The following GSG1L variants were observed in gnomAD, a reference collection of about 807,000 sequenced individuals.
The protein encoded by GSG1L is GSG1 like.
Under a neutral mutation model 42.1 loss-of-function variants are expected in GSG1L, and 24 were observed. The ratio of observed to expected loss-of-function variants is 0.57; its 90% confidence interval spans 0.41 to 0.80. The LOEUF (loss-of-function observed/expected upper bound fraction) is 0.80, where lower values mean the gene tolerates loss of function less well. GSG1L is among the 30% of genes least tolerant of loss of function. The pLI, the probability that GSG1L is intolerant of heterozygous loss-of-function variation, is 0.00. For synonymous variants in GSG1L, 215 were observed against 203.5 expected (o/e 1.06, Z -0.48); for missense variants, 445 against 472.2 (o/e 0.94, Z 0.53).
chr16:27,939,721 C>T (rs750070201), intron 2 of GSG1L, among the ~76,000 whole-genome samples: 1 of 152,218 alleles, frequency 6.6e-6, no homozygotes, highest in African/African-American at 2.4e-5. Flanking sequence ...TACGAAAGTT[C>T]CCCTGGCCTG....
At chr16:27,959,643 C>T (rs1027721527) in intron 2 of GSG1L, among the ~76,000 whole-genome samples, 1 of 151,884 alleles carries the variant, frequency 6.6e-6, no homozygotes, top group Non-Finnish European at 1.5e-5. Context: ...AAGCGTGGGG[C>T]ATGGTAGTGC....
intron 2 of GSG1L, among the ~76,000 whole-genome samples, chr16:27,906,705 C>A (rs142581444): frequency 6.6e-6 from 1 of 152,196 alleles, no homozygotes; most frequent in African/African-American, 2.4e-5. Flanking sequence ...CCTACCCAAC[C>A]TTCTCTCCCC....
chr16:28,063,495 C>G lies in GSG1L; in HGVS notation c.-71G>C, dbSNP rs1255450123. On this transcript the variant is annotated 5_prime_UTR_variant, in exon 1 of 7. Transcript: ENST00000447459. The surrounding 1 kb of genome is among the most constrained non-coding windows in gnomAD (Gnocchi z 5.8). ...CGCGCGAAGTTGGCAGCTGGCGCCC[C>G]GCGTCAGCGGCCGCTGCCCGCCGCG... 50 of 1,002,676 alleles carry G rather than the reference C, an allele frequency of 5.0e-5. No homozygotes were observed. In the South Asian group the frequency reaches 2.2e-3, roughly 44 times the overall value. The allele number at this position is 1,002,676 out of a possible 1,614,324, so 62.1% of individuals were successfully genotyped here.
chr16:27,986,324 AC>A (rs2085381783), intron 1 of GSG1L, among the ~76,000 whole-genome samples: 1 of 151,600 alleles, frequency 6.6e-6, no homozygotes, highest in Non-Finnish European at 1.5e-5. Flanking sequence ...ATATGGGGAA[AC>A]CCCATCTCTA....
intron 6 of GSG1L, among the ~76,000 whole-genome samples, chr16:27,802,122 C>T (rs1461143079): frequency 6.6e-6 from 1 of 152,100 alleles, no homozygotes; most frequent in African/African-American, 2.4e-5. Flanking sequence ...TATCCCGCAC[C>T]CTGCATTGAC....
At chr16:27,979,692 A>AGAGAG (rs1567542854) in intron 1 of GSG1L, among the ~76,000 whole-genome samples, 1 of 40,304 alleles carries the variant, frequency 2.5e-5, no homozygotes, top group Non-Finnish European at 5.3e-5. Context: ...AGAAAGAAGG[A>AGAGAG]AGGAAGGAAG....
chr16:28,063,467 C>A lies in GSG1L; in HGVS notation c.-43G>T, dbSNP rs1390577099. 2 of 1,134,776 alleles carry A rather than the reference C, an allele frequency of 1.8e-6. No individual in the cohort carries two copies. Among genetic ancestry groups the A allele is most frequent in the Non-Finnish European group, 2.2e-6 (2 of 924,026 alleles). The allele number at this position is 1,134,776 out of a possible 1,614,324, so 70.3% of individuals were successfully genotyped here. A position where few individuals can be genotyped will look rare whatever the true frequency, so the allele number is the denominator to read the frequency against. On this transcript the variant is annotated 5_prime_UTR_variant, in exon 1 of 7. Coordinates refer to ENST00000447459, the MANE Select transcript of GSG1L (RefSeq NM_001109763.2). This position sits in a 1 kb window ranked among gnomAD's most constrained non-coding sequence, Gnocchi z 5.8. ...GACGGGACTGCACCGCCGGGGAGCT[C>A]CGCGCGCGAAGTTGGCAGCTGGCGC...
intron 5 of GSG1L, among the ~76,000 whole-genome samples, chr16:27,828,383 C>T (rs2083237850): frequency 6.6e-6 from 1 of 152,226 alleles, no homozygotes. Flanking sequence ...CATTGAGAAG[C>T]CATCCTCCTC....
intron 1 of GSG1L, among the ~76,000 whole-genome samples, chr16:28,049,810 G>A (rs909080204): frequency 1.3e-5 from 2 of 152,032 alleles, no homozygotes; most frequent in South Asian, 2.1e-4. Context: ...TCTTACAGTC[G>A]TTCAGGACTC....
intron 5 of GSG1L, among the ~76,000 whole-genome samples, chr16:27,820,802 T>C (rs1044364104): frequency 6.6e-6 from 1 of 152,082 alleles, no homozygotes. Context: ...GATAGACAGA[T>C]AGCTGCTACC....
intron 1 of GSG1L, among the ~76,000 whole-genome samples, chr16:27,968,164 A>C (rs2085155845): frequency 6.6e-6 from 1 of 152,148 alleles, no homozygotes; most frequent in Non-Finnish European, 1.5e-5. Flanking sequence ...AAAAAGATGA[A>C]TATATTAAGT....
chr16:27,798,214 T>C (rs988644063), intron 6 of GSG1L, among the ~76,000 whole-genome samples: 1 of 152,050 alleles, frequency 6.6e-6, no homozygotes, highest in Non-Finnish European at 1.5e-5. Flanking sequence ...ATTGGGCTCA[T>C]AGACATTATA....
At chr16:27,912,067 T>C (rs2084398227) in intron 2 of GSG1L, among the ~76,000 whole-genome samples, 1 of 152,220 alleles carries the variant, frequency 6.6e-6, no homozygotes, top group Non-Finnish European at 1.5e-5. Flanking sequence ...ATAAGGACAC[T>C]GACCACCTGC....
At chr16:28,017,958 A>G (rs958477386) in intron 1 of GSG1L, among the ~76,000 whole-genome samples, 1 of 152,214 alleles carries the variant, frequency 6.6e-6, no homozygotes, top group Non-Finnish European at 1.5e-5. Flanking sequence ...TGGTGAGTAC[A>G]TGGGTATTTT....
At chr16:27,828,667 C>G (rs1388459141) in intron 5 of GSG1L, 122 bp downstream of exon 5, 2 of 906,820 alleles carry the variant, frequency 2.2e-6, no homozygotes, top group African/African-American at 1.7e-5. Context: ...TGCCTCCCCC[C>G]TCCATAACCC....
At chr16:28,054,328 C>T (rs2141197949) in intron 1 of GSG1L, among the ~76,000 whole-genome samples, 1 of 152,350 alleles carries the variant, frequency 6.6e-6, no homozygotes, top group South Asian at 2.1e-4. Context: ...ACCCTGCCCC[C>T]TCCAGGCAAG....
chr16:27,809,126 C>T (rs2140945505), intron 5 of GSG1L, among the ~76,000 whole-genome samples: 1 of 152,282 alleles, frequency 6.6e-6, no homozygotes, highest in South Asian at 2.1e-4. Flanking sequence ...GGCATGGTGG[C>T]TCATATCTGT....
intron 1 of GSG1L, among the ~76,000 whole-genome samples, chr16:27,979,006 G>T (rs1200172274): frequency 6.6e-6 from 1 of 152,182 alleles, no homozygotes; most frequent in Non-Finnish European, 1.5e-5. Flanking sequence ...ACAAGGAGGT[G>T]TCTAGGCTCA....
At position 27,892,803 on chromosome 16, in the gene GSG1L, A is replaced by G. The variant is rs539859912; in HGVS notation, c.398-8165T>C. Reference sequence around the variant, plus strand: ...AGACTCAGTCTCAAAAAAAAAAAAAAAAAAAAGTCACCTTAAGGAAAAACT... The same window carrying G: ...AGACTCAGTCTCAAAAAAAAAAAAAGAAAAAAGTCACCTTAAGGAAAAACT... On this transcript the variant is annotated intron_variant, in intron 2 of 6. Transcript: ENST00000447459. Among the ~76,000 whole-genome samples, 748 of 152,058 alleles carry G rather than the reference A, an allele frequency of 4.9e-3. 10 individuals carry two copies. The highest frequency in any genetic ancestry group is 0.017 in the African/African-American group (709 of 41,428).
Sources: gnomAD v4.1 joint callset for allele counts (sites outside exome capture counted in the v4.1 genomes callset) on GRCh38, gnomAD v4.1.1 for gene constraint, Gnocchi (gnomAD v3.1) non-coding constraint, MANE v1.5 for transcripts, NCBI Gene and HGNC (gene_info 2026-07-23, HGNC 2026-07-21) for gene names.